DDAH1: variants seen among roughly 807,000 people sequenced by gnomAD.
DDAH1 encodes dimethylarginine dimethylaminohydrolase 1.
DDAH1 carries 19 observed loss-of-function variants against 28.8 expected under a neutral mutation model. The ratio of observed to expected loss-of-function variants is 0.66; its 90% CI spans 0.46 to 0.97. The LOEUF (loss-of-function observed/expected upper bound fraction) is 0.97. Ranked by LOEUF, DDAH1 falls within the 50% of genes least tolerant of loss-of-function variation. DDAH1 has a pLI of 0.00. For synonymous variants in DDAH1, 153 were observed against 154.4 expected (o/e 0.99, Z 0.07); for missense variants, 326 against 375.9 (o/e 0.87, Z 1.10).
At chr1:85,407,107 A>T (rs1443358191) in intron 1 of DDAH1, among the ~76,000 whole-genome samples, 1 of 152,188 alleles carries the variant, frequency 6.6e-6, no homozygotes, top group Non-Finnish European at 1.5e-5. Flanking sequence ...AGTTATGAGC[A>T]GGAAGTTTTC....
intron 2 of DDAH1, among the ~76,000 whole-genome samples, chr1:85,488,669 C>G (rs952604883): frequency 6.6e-6 from 1 of 152,136 alleles, no homozygotes; most frequent in Non-Finnish European, 1.5e-5. Flanking sequence ...ACTGTGGCAT[C>G]AAATACCCTT....
chr1:85,429,360 G>T (rs1570531366), intron 1 of DDAH1, among the ~76,000 whole-genome samples: 2 of 152,102 alleles, frequency 1.3e-5, no homozygotes, highest in East Asian at 3.9e-4. Context: ...CTTTCTTATG[G>T]TTGCATAGTA....
At chr1:85,343,825 TATAAA>T (rs1317778942) in intron 4 of DDAH1, among the ~76,000 whole-genome samples, 1 of 152,234 alleles carries the variant, frequency 6.6e-6, no homozygotes, top group Non-Finnish European at 1.5e-5. Flanking sequence ...TATGACCATC[TATAAA>T]ATAACATGGA....
intron 1 of DDAH1, among the ~76,000 whole-genome samples, chr1:85,445,516 A>G (rs1654394040): frequency 6.6e-6 from 1 of 152,218 alleles, no homozygotes; most frequent in South Asian, 2.1e-4. Flanking sequence ...GTAAAAAGCA[A>G]GTGAAGATAT....
At chr1:85,338,928 T>C (rs2100816732) in intron 4 of DDAH1, among the ~76,000 whole-genome samples, 1 of 151,030 alleles carries the variant, frequency 6.6e-6, no homozygotes, top group Admixed American at 6.6e-5. Context: ...ATGTCTGTAA[T>C]CCCAGCTACT....
intron 1 of DDAH1, among the ~76,000 whole-genome samples, chr1:85,371,866 A>G (rs1650402015): frequency 6.6e-6 from 1 of 152,156 alleles, no homozygotes; most frequent in Non-Finnish European, 1.5e-5. Context: ...TGTATTTGCT[A>G]ATTTTTCACC....
At chr1:85,508,983 C>T (rs12024511) in intron 1 of DDAH1, among the ~76,000 whole-genome samples, 38,536 of 152,182 alleles carry the variant, frequency 0.25, 5,609 homozygotes, top group Middle Eastern at 0.45. Flanking sequence ...CCCAGCCAGG[C>T]GTTTGAGCTC....
intron 1 of DDAH1, among the ~76,000 whole-genome samples, chr1:85,403,156 A>G (rs1481581781): frequency 6.6e-6 from 1 of 150,876 alleles, no homozygotes; most frequent in African/African-American, 2.4e-5. Flanking sequence ...GGATATGTAA[A>G]CTCCTAGATT....
intron 1 of DDAH1, among the ~76,000 whole-genome samples, chr1:85,418,739 C>T (rs1200106647): frequency 6.6e-6 from 1 of 152,222 alleles, no homozygotes; most frequent in African/African-American, 2.4e-5. Context: ...CCTTTTAACA[C>T]AGTACCCATA....
intron 2 of DDAH1, among the ~76,000 whole-genome samples, chr1:85,477,980 C>T (rs1655859954): frequency 6.6e-6 from 1 of 152,164 alleles, no homozygotes; most frequent in South Asian, 2.1e-4. Flanking sequence ...TCTATGCCAT[C>T]TGCCAACTCA....
intron 1 of DDAH1, among the ~76,000 whole-genome samples, chr1:85,574,891 C>CTATA (rs66578208): frequency 6.7e-6 from 1 of 149,494 alleles, no homozygotes; most frequent in Non-Finnish European, 1.5e-5. Flanking sequence ...CTCTCTCTCT[C>CTATA]TATATATATA....
intron 1 of DDAH1, among the ~76,000 whole-genome samples, chr1:85,453,231 C>T (rs746628011): frequency 6.6e-6 from 1 of 152,168 alleles, no homozygotes; most frequent in Non-Finnish European, 1.5e-5. Flanking sequence ...AAGAAACTTC[C>T]TTCTGAGGAC....
intron 4 of DDAH1, among the ~76,000 whole-genome samples, chr1:85,343,298 G>T (rs1648621911): frequency 6.6e-6 from 1 of 152,182 alleles, no homozygotes; most frequent in African/African-American, 2.4e-5. Context: ...TGGTGTCATA[G>T]CTTCAAATTA....
chr1:85,513,330 T>C (rs201148732), intron 1 of DDAH1, among the ~76,000 whole-genome samples: 5 of 152,094 alleles, frequency 3.3e-5, no homozygotes, highest in African/African-American at 7.2e-5. Context: ...CCCTTCCTTA[T>C]ACCTTATACA....
chr1:85,466,897 G>A (rs1173765130), upstream of DDAH1, among the ~76,000 whole-genome samples: 2 of 121,524 alleles, frequency 1.6e-5, no homozygotes, highest in African/African-American at 6.2e-5. Context: ...GAGTGCAATG[G>A]CGCGATCTCA....
Position 85,464,290 on chromosome 1 carries a change from C to G in DDAH1, c.303+453G>C, listed in dbSNP as rs953680590. ...CCGTTAATTCATCCAGCTTGTCCTG[C>G]TCCGAGCGCCAGGCAGGACTTGGGG... On this transcript the variant is annotated intron_variant, in intron 1 of 5. Coordinates refer to ENST00000284031, the MANE Select transcript of DDAH1 (RefSeq NM_012137.4). The surrounding 1 kb of genome is among the most constrained non-coding windows in gnomAD (Gnocchi z 4.4). Among the ~76,000 whole-genome samples, 3 of 152,210 alleles carry G rather than the reference C, an allele frequency of 2.0e-5. No individual in the cohort carries two copies. The highest frequency in any genetic ancestry group is 4.4e-5 in the Non-Finnish European group (3 of 68,044).
chr1:85,466,528 C>T (rs1046903570), upstream of DDAH1, among the ~76,000 whole-genome samples: 2 of 152,210 alleles, frequency 1.3e-5, no homozygotes, highest in Non-Finnish European at 2.9e-5. Context: ...GGATTACAGG[C>T]ATGAGCTACC....
At chr1:85,566,228 A>G (rs1305699171) in intron 1 of DDAH1, among the ~76,000 whole-genome samples, 1 of 151,844 alleles carries the variant, frequency 6.6e-6, no homozygotes, top group East Asian at 1.9e-4. Flanking sequence ...AGAATGGGCC[A>G]TGTGAGGTGG....
intron 1 of DDAH1, among the ~76,000 whole-genome samples, chr1:85,523,221 C>T (rs1417864879): frequency 8.5e-5 from 13 of 152,132 alleles, no homozygotes; most frequent in South Asian, 4.2e-4. Context: ...GAGTATGAAA[C>T]GGAAAGTGGA....
Sources: gnomAD v4.1 joint callset for allele counts (sites outside exome capture counted in the v4.1 genomes callset) on GRCh38, gnomAD v4.1.1 for gene constraint, Gnocchi (gnomAD v3.1) non-coding constraint, MANE v1.5 for transcripts, NCBI Gene and HGNC (gene_info 2026-07-23, HGNC 2026-07-21) for gene names.